SAE1: variants seen among roughly 807,000 people sequenced by gnomAD.
SAE1 encodes the protein SUMO-activating enzyme subunit 1.
SAE1 carries 11 observed loss-of-function variants against 40.6 expected under a neutral mutation model. The observed-to-expected ratio is 0.27, with a 90% CI of 0.17 to 0.45. The LOEUF is 0.45. Among genes scored for constraint, SAE1 ranks in the 20% least tolerant of loss-of-function variants. The pLI is 1.00. For synonymous variants in SAE1, 155 were observed against 154.3 expected, an observed-to-expected ratio of 1.00 and a Z score of -0.03; for missense variants, 373 against 427.3, an observed-to-expected ratio of 0.87 and a Z score of 1.12.
chr19:47,165,076 C>CTTTTTTTT (rs769656956), intron 5 of SAE1, among the ~76,000 whole-genome samples: 2 of 59,074 alleles, frequency 3.4e-5, no homozygotes, highest in Admixed American at 2.8e-4. Flanking sequence ...TGAGCCAAGT[C>CTTTTTTTT]TTTTTTTTTT....
chr19:47,142,012 C>T (rs754539420), intron 1 of SAE1, among the ~76,000 whole-genome samples: 9 of 152,096 alleles, frequency 5.9e-5, no homozygotes, highest in African/African-American at 1.2e-4. Context: ...TCCTACTGAC[C>T]TCAGAGAAGT....
At chr19:47,180,245 A>T (rs1465385962) in intron 6 of SAE1, 1 of 456,288 alleles carries the variant, frequency 2.2e-6, no homozygotes. Context: ...CTCACTAAAG[A>T]GAAACCAGGG....
intron 1 of SAE1, among the ~76,000 whole-genome samples, chr19:47,135,800 A>T (rs975458949): frequency 6.8e-6 from 1 of 146,500 alleles, no homozygotes; most frequent in Admixed American, 6.9e-5. Context: ...CACAATTTCT[A>T]TTTTTTTTTT....
intron 5 of SAE1, among the ~76,000 whole-genome samples, chr19:47,157,878 C>G (rs188694580): frequency 1.3e-4 from 20 of 152,292 alleles, no homozygotes; most frequent in African/African-American, 3.4e-4. Context: ...CTTTGTGCAG[C>G]CTCACCAAGG....
At chr19:47,154,980 T>C in intron 4 of SAE1, 134 bp from the exon 5 acceptor site, 1 of 652,406 alleles carries the variant, frequency 1.5e-6, no homozygotes, top group South Asian at 1.8e-5. Context: ...CAGAGCTCGA[T>C]TTGAACCGAG....
chr19:47,204,412 A>G (rs1210294937), intron 8 of SAE1, among the ~76,000 whole-genome samples: 2 of 149,370 alleles, frequency 1.3e-5, no homozygotes, highest in Non-Finnish European at 1.5e-5. Context: ...GTTAGCCAGG[A>G]TGGTCTGGAT....
At chr19:47,165,378 C>G (rs1182800486) in intron 5 of SAE1, among the ~76,000 whole-genome samples, 3 of 152,188 alleles carry the variant, frequency 2.0e-5, no homozygotes, top group African/African-American at 7.2e-5. Context: ...GTGTGAGCCA[C>G]CGCACCCGGC....
At chr19:47,166,037 C>T (rs1229646904) in intron 5 of SAE1, among the ~76,000 whole-genome samples, 2 of 152,220 alleles carry the variant, frequency 1.3e-5, no homozygotes, top group Non-Finnish European at 2.9e-5. Flanking sequence ...CAGTTGTAGA[C>T]CACACTCTGG....
chr19:47,204,956 C>G (rs2058678246), intron 8 of SAE1, among the ~76,000 whole-genome samples: 1 of 152,158 alleles, frequency 6.6e-6, no homozygotes, highest in African/African-American at 2.4e-5. Flanking sequence ...GCATCTTATA[C>G]AGGGTCACAT....
rs371999796 is a variant in SAE1, at chr19:47,156,707, T to C, written c.627+1494T>C. On this transcript the variant is annotated intron_variant, in intron 5 of 8. Transcript: ENST00000270225. ...CTAATTTTTGTATTTTTAGTAGAGA[T>C]GGGGTTCCACCATGTTGGCCAGGAT... Among the ~76,000 whole-genome samples, 53 of 152,026 alleles carry C rather than the reference T, an allele frequency of 3.5e-4. 1 individual carries two copies. The East Asian group carries it at 8.5e-3, about 24-fold the overall frequency.
In SAE1 at chr19:47,203,654, G is replaced by T. The variant is rs770207339; in HGVS notation, c.879-17G>T. ...CTGTTCCCAGTGCTCCATTTTCCTTGTCTTCCTCTCTTTTAGGTACTGCTT... is the reference window on the plus strand; with the variant it reads ...CTGTTCCCAGTGCTCCATTTTCCTTTTCTTCCTCTCTTTTAGGTACTGCTT... On this transcript the variant is annotated splice_polypyrimidine_tract_variant and intron_variant, in intron 7 of 8. Transcript: ENST00000270225. 2 of 1,612,732 alleles carry T rather than the reference G, an allele frequency of 1.2e-6. No homozygotes were observed. The highest frequency in any genetic ancestry group is 2.2e-5 in the South Asian group (2 of 91,046).
At chr19:47,140,623 C>CAA (rs202068723) in intron 1 of SAE1, among the ~76,000 whole-genome samples, 172 of 119,034 alleles carry the variant, frequency 1.4e-3, no homozygotes, top group East Asian at 2.1e-3. Context: ...CCTGTGTCTA[C>CAA]AAAAAAAAAA....
At chr19:47,170,423 C>G (rs999057203) in intron 6 of SAE1, among the ~76,000 whole-genome samples, 12 of 150,908 alleles carry the variant, frequency 8.0e-5, no homozygotes, top group African/African-American at 2.9e-4. Flanking sequence ...CCATGATGCC[C>G]AGGCCCTGAA....
chr19:47,199,758 G>A (rs1368408909), intron 7 of SAE1, among the ~76,000 whole-genome samples: 2 of 152,086 alleles, frequency 1.3e-5, no homozygotes, highest in Non-Finnish European at 2.9e-5. Flanking sequence ...TTCCTGCTGC[G>A]AAGCACAGCA....
chr19:47,139,755 ATTTTTTTTTT>A, intron 1 of SAE1, among the ~76,000 whole-genome samples: 1 of 125,130 alleles, frequency 8.0e-6, no homozygotes, highest in South Asian at 2.6e-4. Context: ...CTCCCGGCCA[ATTTTTTTTTT>A]TTTTTTTTTG....
chr19:47,143,462 G>A, intron 1 of SAE1, 32 bp from the exon 2 acceptor site: 1 of 1,525,088 alleles, frequency 6.6e-7, no homozygotes, highest in Non-Finnish European at 9.1e-7. Context: ...TCACTGTTCT[G>A]TATCATCAGG....
chr19:47,202,171 C>T (rs2058659224), intron 7 of SAE1, among the ~76,000 whole-genome samples: 3 of 152,106 alleles, frequency 2.0e-5, no homozygotes, highest in East Asian at 1.9e-4. Context: ...ATTATTTCGA[C>T]GCCTGTGTCT....
chr19:47,152,196 G>C (rs1263160031), intron 3 of SAE1, among the ~76,000 whole-genome samples: 2 of 152,180 alleles, frequency 1.3e-5, no homozygotes, highest in Non-Finnish European at 2.9e-5. Flanking sequence ...CCGAAAAGAT[G>C]GTATTTTGTG....
intron 6 of SAE1, among the ~76,000 whole-genome samples, chr19:47,170,621 C>T (rs1406119258): frequency 6.6e-6 from 1 of 151,612 alleles, no homozygotes; most frequent in East Asian, 1.9e-4. Context: ...CTCCCCATGC[C>T]TCAGGCTCCT....
Sources: allele counts gnomAD v4.1 joint callset (sites outside exome capture counted in the v4.1 genomes callset), GRCh38; gene constraint gnomAD v4.1.1; transcripts MANE v1.5; gene names NCBI Gene and HGNC (gene_info 2026-07-23, HGNC 2026-07-21).